CREBBP: variants seen among roughly 807,000 people sequenced by gnomAD.
The protein encoded by CREBBP is CREB binding lysine acetyltransferase.
CREBBP carries 19 observed loss-of-function variants against 265.0 expected under a neutral mutation model. The observed-to-expected ratio is 0.07, with a 90% CI of 0.05 to 0.11. The LOEUF is 0.11. Ranked by LOEUF, CREBBP falls within the 10% of genes least tolerant of loss-of-function variation. The pLI, the probability that CREBBP is intolerant of heterozygous loss-of-function variation, is 1.00. For missense variants in CREBBP, 2,525 were observed against 3,219.0 expected, an observed-to-expected ratio of 0.78 and a Z score of 5.22; for synonymous variants, 1,457 against 1,223.7, an observed-to-expected ratio of 1.19 and a Z score of -3.98.
Position 3,856,657 on chromosome 16 carries a change from T to C in CREBBP, c.86-5648A>G, listed in dbSNP as rs183941460. 2.4e-4 allele frequency among the ~76,000 whole-genome samples: 37 copies of C among 152,296 alleles called. No homozygotes were observed. The East Asian group carries it at 6.4e-3, about 26-fold the overall frequency. ...TAAAAATGCAGTGTTCCTTAACTGA[T>C]GAGCATGAAAATGAAACTTCATCTA... is the stretch of plus-strand genomic sequence containing the variant. On this transcript the variant is annotated intron_variant, in intron 1 of 30. Coordinates refer to ENST00000262367, the MANE Select transcript of CREBBP (RefSeq NM_004380.3).
intron 5 of CREBBP, among the ~76,000 whole-genome samples, chr16:3,789,013 G>A (rs1400881785): frequency 6.6e-6 from 1 of 152,198 alleles, no homozygotes; most frequent in Non-Finnish European, 1.5e-5. Flanking sequence ...AATGGTCTGG[G>A]CTTCATTTCA....
intron 3 of CREBBP, among the ~76,000 whole-genome samples, chr16:3,807,021 C>T (rs1181916616): frequency 6.6e-6 from 1 of 152,192 alleles, no homozygotes; most frequent in African/African-American, 2.4e-5. Context: ...CTACGCAGAC[C>T]TCTTGGAGCA....
rs2054748138 is a variant in CREBBP at position 3,849,425 on chromosome 16, GTGTGTGTGTGTGTGTGT to G, written c.798+855_798+871del. 6.1e-3 allele frequency among the ~76,000 whole-genome samples: 64 copies of G among 10,574 alleles called. 2 individuals are homozygous for G. Among genetic ancestry groups the G allele is most frequent in the East Asian group, 0.029 (4 of 140 alleles). The allele number at this position is 10,574 out of a possible 152,430, so 6.9% of individuals were successfully genotyped here. The stretch of plus-strand genomic sequence containing the variant: ...TGTGTGTGTGTGTGTGTGTGTGTGT[GTGTGTGTGTGTGTGTGT>G]GTGTGTGTGTGTGTGTGTGTGTGTG... On this transcript the variant is annotated intron_variant, in intron 2 of 30. Coordinates refer to ENST00000262367, the MANE Select transcript of CREBBP (RefSeq NM_004380.3).
At chr16:3,735,999 G>A in intron 28 of CREBBP, 37 bp downstream of exon 28, 3 of 1,614,128 alleles carry the variant, frequency 1.9e-6, no homozygotes, top group Non-Finnish European at 2.5e-6. Context: ...GCTCCAGCGG[G>A]ACACGTGGGC....
intron 2 of CREBBP, among the ~76,000 whole-genome samples, chr16:3,832,111 C>A (rs146185878): frequency 6.6e-6 from 1 of 152,036 alleles, no homozygotes; most frequent in East Asian, 1.9e-4. Flanking sequence ...ATACAAATTA[C>A]CAAAATTAGC....
intron 19 of CREBBP, among the ~76,000 whole-genome samples, chr16:3,753,980 A>C (rs187863414): frequency 1.1e-3 from 166 of 152,320 alleles, no homozygotes; most frequent in African/African-American, 3.1e-3. Flanking sequence ...CAAGAACCAT[A>C]AACCCATCCT....
chr16:3,864,785 G>C (rs910282075), intron 1 of CREBBP, among the ~76,000 whole-genome samples: 3 of 152,192 alleles, frequency 2.0e-5, no homozygotes, highest in African/African-American at 7.2e-5. Context: ...GAATATCCGT[G>C]GCTGGGCATG....
intron 22 of CREBBP, 40 bp from the exon 23 acceptor site, chr16:3,745,001 A>C: frequency 6.9e-7 from 1 of 1,443,978 alleles, no homozygotes; most frequent in South Asian, 1.1e-5. Context: ...GTATATAATG[A>C]TGTAAATTGT....
At chr16:3,822,743 C>T (rs1425546226) in intron 2 of CREBBP, among the ~76,000 whole-genome samples, 1 of 152,208 alleles carries the variant, frequency 6.6e-6, no homozygotes, top group African/African-American at 2.4e-5. Context: ...TACCTCTTAA[C>T]AAAAGCTGAG....
intron 2 of CREBBP, among the ~76,000 whole-genome samples, chr16:3,821,372 A>G (rs1460098456): frequency 6.6e-6 from 1 of 152,202 alleles, no homozygotes; most frequent in Non-Finnish European, 1.5e-5. Context: ...TGTGGGGCCC[A>G]GAGTGGATGG....
Position 3,850,678 on chromosome 16 carries a change from G to A in CREBBP, c.417C>T (p.Ser139=), listed in dbSNP as rs371304150. 1.2e-5 allele frequency: 20 copies of A among 1,614,062 alleles called. No individual in the cohort carries two copies. The highest frequency in any genetic ancestry group is 2.7e-5 in the African/African-American group (2 of 74,944). Residue 139 remains serine, a synonymous_variant, in exon 2 of 31, where the codon AGC becomes AGT. Transcript: ENST00000262367. ...SAPSLPKQAA[S]TSGPTPAASQ... ...AGGCAGCGGGGGTGGGCCCAGAGGT[G>A]CTGGCTGCCTGTTTAGGCAGGCTGG...
At chr16:3,875,641 C>G (rs1380338833) in intron 1 of CREBBP, among the ~76,000 whole-genome samples, 1 of 152,170 alleles carries the variant, frequency 6.6e-6, no homozygotes, top group Non-Finnish European at 1.5e-5. Flanking sequence ...TGGGTCGATT[C>G]AAGTAAATGC....
intron 28 of CREBBP, among the ~76,000 whole-genome samples, chr16:3,732,150 G>C (rs1031580176): frequency 1.3e-5 from 2 of 152,216 alleles, no homozygotes; most frequent in Admixed American, 6.5e-5. Flanking sequence ...GTCATTATCA[G>C]CTTTATGCCA....
chr16:3,773,789 C>A lies in CREBBP; in HGVS notation c.2425G>T (p.Gly809Cys). The change falls in exon 13 of 31, where the codon GGC (glycine) becomes TGC (cysteine). Residue 809 changes from glycine to cysteine, a missense_variant. This residue lies in a region of CREBBP where 548 missense variants were observed against 533.0 expected (regional missense o/e 1.03). Coordinates refer to ENST00000262367, the MANE Select transcript of CREBBP (RefSeq NM_004380.3). Reference sequence around the variant, plus strand: ...GTTTGGGCTGGCGGCTGCCCCATGCCCACACTCATCGCCCCGCTGGATGAC... The same window carrying A: ...GTTTGGGCTGGCGGCTGCCCCATGCACACACTCATCGCCCCGCTGGATGAC... ...FPSSSGAMSV[G>C]MGQPPAQTGV... 1 of 1,613,738 alleles carries A rather than the reference C, an allele frequency of 6.2e-7. No individual in the cohort carries two copies. Among genetic ancestry groups the A allele is most frequent in the Non-Finnish European group, 8.5e-7 (1 of 1,180,040 alleles).
intron 24 of CREBBP, 138 bp downstream of exon 24, chr16:3,740,261 G>GA: frequency 1.0e-6 from 1 of 963,558 alleles, no homozygotes; most frequent in East Asian, 2.6e-5. Context: ...AACCGCAGCT[G>GA]AGGGGGCTAC....
chr16:3,777,593 C>A lies in CREBBP; in HGVS notation c.2158+20G>T. 1 of 1,613,596 alleles carries A rather than the reference C, an allele frequency of 6.2e-7. No homozygotes were observed. Among genetic ancestry groups the A allele is most frequent in the Non-Finnish European group, 8.5e-7 (1 of 1,179,566 alleles). On this transcript the variant is annotated intron_variant, in intron 11 of 30. Coordinates refer to ENST00000262367, the MANE Select transcript of CREBBP (RefSeq NM_004380.3). ...TTGAATGTAAAACTAAAATATGATTCACCACAAACAGTTCAATACCTTGAG... is the reference window on the plus strand; with the variant it reads ...TTGAATGTAAAACTAAAATATGATTAACCACAAACAGTTCAATACCTTGAG...
At chr16:3,767,699 G>A (rs1419708574) in intron 16 of CREBBP, 21 bp downstream of exon 16, 3 of 1,614,134 alleles carry the variant, frequency 1.9e-6, no homozygotes, top group African/African-American at 1.3e-5. Context: ...GCTTTAATAA[G>A]GTAATGAATA....
Position 3,770,894 on chromosome 16 carries a change from T to G in CREBBP, c.2556A>C (p.Pro852=). 1.9e-6 allele frequency: 3 copies of G among 1,613,716 alleles called. No individual in the cohort carries two copies. Among genetic ancestry groups the G allele is most frequent in the Non-Finnish European group, 2.5e-6 (3 of 1,179,976 alleles). ...AAGCAGGAGGCGGTGTTGGGTGCAG[T>G]GGTGACTGTGTCACTGGAGGGCAAG... is the stretch of plus-strand genomic sequence containing the variant. ...QLPCPPVTQS[P]LHPTPPPAST... is the part of the protein sequence containing the mutation. Residue 852 remains proline, a synonymous_variant, in exon 14 of 31, where the codon CCA becomes CCC. Transcript: ENST00000262367.
chr16:3,843,134 G>T (rs887715649), intron 2 of CREBBP, among the ~76,000 whole-genome samples: 1 of 152,002 alleles, frequency 6.6e-6, no homozygotes, highest in Non-Finnish European at 1.5e-5. Flanking sequence ...TAAAACTTAC[G>T]AAAGAACAGG....
Sources: gnomAD v4.1 joint callset for allele counts (sites outside exome capture counted in the v4.1 genomes callset) on GRCh38, gnomAD v4.1.1 for gene constraint, gnomAD v4.1.1 regional missense constraint, MANE v1.5 for transcripts, NCBI Gene and HGNC (gene_info 2026-07-23, HGNC 2026-07-21) for gene names.